Variants in DNAH17 observed in about 807,000 individuals in gnomAD.
DNAH17 encodes the protein axonemal beta dynein heavy chain 17.
A neutral mutation model predicts 485.6 loss-of-function variants in DNAH17; 376 were observed. The ratio of observed to expected loss-of-function variants is 0.77; its 90% CI spans 0.71 to 0.84. The LOEUF (loss-of-function observed/expected upper bound fraction) is 0.84, where lower values mean the gene tolerates loss of function less well. Among genes scored for constraint, DNAH17 ranks in the 40% least tolerant of loss-of-function variants. DNAH17 has a pLI of 0.00. For missense variants in DNAH17, 6,370 were observed against 5,839.3 expected (o/e 1.09, Z -2.96); for synonymous variants, 3,031 against 2,405.9 (o/e 1.26, Z -7.60).
intron 17 of DNAH17, among the ~76,000 whole-genome samples, chr17:78,542,736 C>T (rs1260324956): frequency 1.3e-5 from 2 of 152,202 alleles, no homozygotes; most frequent in East Asian, 3.8e-4. Flanking sequence ...GAAGGACCAG[C>T]TGGCATCCTA....
chr17:78,503,257 GC>G (rs1185973792), intron 31 of DNAH17, among the ~76,000 whole-genome samples: 2 of 137,238 alleles, frequency 1.5e-5, no homozygotes, highest in African/African-American at 5.5e-5. Context: ...TCGGCTCATT[GC>G]AAGCTCCACC....
At chr17:78,502,314 T>A (rs1381274176) in intron 33 of DNAH17, 4 of 357,814 alleles carry the variant, frequency 1.1e-5, no homozygotes, top group Non-Finnish European at 2.0e-5. Flanking sequence ...CAAGGACATT[T>A]TTTTTTTAAA....
rs2091033949 is a variant in DNAH17, at chr17:78,525,179, G to GC, written c.3712-19dup. ...TTTTGTTGCTAGGGGCGGCGAGGGG[G>GC]CCGTCAGTAGGGCTACCTACCCTCA... On this transcript the variant is annotated intron_variant, in intron 24 of 80. Transcript: ENST00000389840. The GC allele has an allele frequency of 9.3e-6, 15 of 1,608,518 alleles. No individual in the cohort carries two copies. The highest frequency in any genetic ancestry group is 2.7e-5 in the African/African-American group (2 of 74,908).
rs747915106 is a variant in DNAH17 at position 78,453,327 on chromosome 17, G to A, written c.10529+16C>T. The stretch of plus-strand genomic sequence containing the variant: ...ATGTTTACCTGGCTCAAGCCACGGA[G>A]GCGGAAACAACTCACTTTCCCTTTT... On this transcript the variant is annotated intron_variant, in intron 65 of 80. Coordinates refer to ENST00000389840, the MANE Select transcript of DNAH17 (RefSeq NM_173628.4). 1.2e-6 allele frequency: 2 copies of A among 1,611,942 alleles called. No individual in the cohort carries two copies. The highest frequency in any genetic ancestry group is 2.2e-5 in the South Asian group (2 of 90,736).
At chr17:78,537,729 A>G (rs1381327361) in intron 18 of DNAH17, among the ~76,000 whole-genome samples, 1 of 152,190 alleles carries the variant, frequency 6.6e-6, no homozygotes, top group Non-Finnish European at 1.5e-5. Flanking sequence ...ATCAGGTAGA[A>G]CTCAGACCTC....
At chr17:78,429,419 G>C in intron 75 of DNAH17, 119 bp from the exon 76 acceptor site, 1 of 1,137,654 alleles carries the variant, frequency 8.8e-7, no homozygotes, top group South Asian at 1.5e-5. Context: ...TGTCCTTCTC[G>C]CCCTCCAGGT....
chr17:78,484,740 C>CCCCCCAG (rs2089514923), intron 48 of DNAH17, 128 bp downstream of exon 48: 12 of 332,054 alleles, frequency 3.6e-5, no homozygotes, highest in East Asian at 6.7e-5. Context: ...CGTTGCAGCA[C>CCCCCCAG]CCCCCCCACC....
intron 49 of DNAH17, 22 bp from the exon 50 acceptor site, chr17:78,479,654 C>T (rs1217576202): frequency 5.0e-6 from 8 of 1,610,798 alleles, no homozygotes; most frequent in Middle Eastern, 1.7e-4. Context: ...CAACCAAACA[C>T]TCCAGTCAGC....
chr17:78,498,489 C>T (rs2090155894), intron 37 of DNAH17, among the ~76,000 whole-genome samples: 1 of 152,230 alleles, frequency 6.6e-6, no homozygotes, highest in Non-Finnish European at 1.5e-5. Flanking sequence ...GAGATTTTAA[C>T]AAGCATCAGT....
chr17:78,542,627 G>A (rs1306650484), intron 17 of DNAH17, among the ~76,000 whole-genome samples: 2 of 152,218 alleles, frequency 1.3e-5, no homozygotes, highest in Non-Finnish European at 2.9e-5. Context: ...AGGAATGCCA[G>A]TCTACTGTTC....
intron 56 of DNAH17, among the ~76,000 whole-genome samples, chr17:78,466,312 A>G (rs1568096024): frequency 6.6e-6 from 1 of 152,226 alleles, no homozygotes; most frequent in Non-Finnish European, 1.5e-5. Flanking sequence ...GGAAGGCCTC[A>G]GGGTCCTCTG....
At chr17:78,564,730 C>G (rs1039084000) in intron 11 of DNAH17, among the ~76,000 whole-genome samples, 1 of 152,168 alleles carries the variant, frequency 6.6e-6, no homozygotes, top group African/African-American at 2.4e-5. Context: ...CTGTGCTAGG[C>G]TCAGTTCTAA....
rs1402585996 is a variant in DNAH17, at chr17:78,454,475, C to G, written c.10401G>C (p.Gln3467His). The change falls in exon 64 of 81, where the codon CAG becomes CAC. Residue 3467 changes from glutamine to histidine, a missense_variant. Gln to His is a conservative substitution (Grantham distance 24). Coordinates refer to ENST00000389840, the MANE Select transcript of DNAH17 (RefSeq NM_173628.4). ...RSELKAIRLG[Q>H]KSYLDVIEQA... ...GGTCCTGCGCCCGCACACACCTCTT[C>G]TGTCCCAGGCGGATGGCTTTCAGTT... 2 of 1,611,786 alleles carry G rather than the reference C, an allele frequency of 1.2e-6. No homozygotes were observed. Among genetic ancestry groups the G allele is most frequent in the Non-Finnish European group, 1.7e-6 (2 of 1,179,218 alleles).
In DNAH17 at chr17:78,450,522, G is replaced by A. The variant is rs1406623218; in HGVS notation, c.10900-128C>T. On this transcript the variant is annotated intron_variant, in intron 67 of 80. Transcript: ENST00000389840. Reference sequence around the variant, plus strand: ...CAAGGGCTCTCAGCAGCAGCTGGGTGCAGGATGGGAGCCCAGACCCCTTCT... The same window carrying A: ...CAAGGGCTCTCAGCAGCAGCTGGGTACAGGATGGGAGCCCAGACCCCTTCT... The A allele has an allele frequency of 1.0e-5, 15 of 1,441,218 alleles. No individual in the cohort carries two copies. The East Asian group carries it at 2.5e-4, about 24-fold the overall frequency. 89.3% of individuals were successfully genotyped at this position (1,441,218 alleles called of 1,614,324 possible).
chr17:78,465,595 T>G (rs12949001), intron 56 of DNAH17, among the ~76,000 whole-genome samples: 1 of 138,798 alleles, frequency 7.2e-6, no homozygotes, highest in African/African-American at 2.8e-5. Context: ...CCATCTGGGA[T>G]GTGAGGAGCG....
rs898385682 is a variant in DNAH17, at chr17:78,502,658, A to C, written c.5123T>G (p.Val1708Gly). The change falls in exon 33 of 81, where the codon GTG (valine) becomes GGG (glycine). Residue 1708 changes from valine to glycine, a missense_variant. By Grantham distance (109) the Val-to-Gly change is moderately radical. Coordinates refer to ENST00000389840, the MANE Select transcript of DNAH17 (RefSeq NM_173628.4). The stretch of plus-strand genomic sequence containing the variant: ...CTCCAGCCTGGCAAATGCCAGGCCC[A>C]CCTCGGTCGTCCACCAGATCTGGGT... The part of the protein sequence containing the change: ...TCTQIWWTTE[V>G]GLAFARLEEG... 3.1e-6 allele frequency: 5 copies of C among 1,612,806 alleles called. No individual in the cohort carries two copies. The highest frequency in any genetic ancestry group is 4.2e-6 in the Non-Finnish European group (5 of 1,179,944).
At position 78,501,786 on chromosome 17, in the gene DNAH17, C is replaced by T. The variant is rs762456557; in HGVS notation, c.5278G>A (p.Asp1760Asn). 41 of 1,613,800 alleles carry T rather than the reference C, an allele frequency of 2.5e-5. No individual in the cohort carries two copies. The highest frequency in any genetic ancestry group is 1.3e-4 in the East Asian group (6 of 44,892). Residue 1760 changes from aspartate to asparagine, a missense_variant, in exon 34 of 81, where the codon GAT becomes AAT. Transcript: ENST00000389840. ...GCCACCACGTCCCGTGCGTGCACATCGATGGTGCAGATGGTCATGATCTTC... is the reference window on the plus strand; with the variant it reads ...GCCACCACGTCCCGTGCGTGCACATTGATGGTGCAGATGGTCATGATCTTC... ...RMKIMTICTI[D>N]VHARDVVAKM...
intron 27 of DNAH17, among the ~76,000 whole-genome samples, chr17:78,508,014 C>G (rs780711219): frequency 2.0e-5 from 3 of 152,136 alleles, no homozygotes; most frequent in Non-Finnish European, 4.4e-5. Context: ...TATAATGGAA[C>G]ATAAGCCACT....
Position 78,500,463 on chromosome 17 carries a change from T to C in DNAH17, c.5484-2A>G, listed in dbSNP as rs1338793372. On this transcript the variant is annotated splice_acceptor_variant, in intron 35 of 80. Transcript: ENST00000389840. LOFTEE classifies it high-confidence loss of function. ...GACTGGGTCAGGGTGATATAGCACCTGCAAGTGACCACAGGTAAGCGTGTG... is the reference window on the plus strand; with the variant it reads ...GACTGGGTCAGGGTGATATAGCACCCGCAAGTGACCACAGGTAAGCGTGTG... The C allele has an allele frequency of 1.3e-6, 2 of 1,565,966 alleles. No individual in the cohort carries two copies. The highest frequency in any genetic ancestry group is 1.2e-5 in the South Asian group (1 of 85,062).
Sources: allele counts gnomAD v4.1 joint callset (sites outside exome capture counted in the v4.1 genomes callset), GRCh38; gene constraint gnomAD v4.1.1; transcripts MANE v1.5; gene names NCBI Gene and HGNC (gene_info 2026-07-23, HGNC 2026-07-21).